Variants in ATG10 observed in about 807,000 individuals in gnomAD.
The protein encoded by ATG10 is autophagy related 10.
Under a neutral mutation model 32.1 loss-of-function variants are expected in ATG10, and 30 were observed. The observed-to-expected ratio is 0.94, with a 90% CI of 0.70 to 1.27. The LOEUF is 1.27. Ranked by LOEUF, ATG10 falls within the 50% of genes most tolerant of loss-of-function variation. The probability of loss-of-function intolerance (pLI) is 0.00; values close to 1 mark genes in which losing one functional copy is unlikely to be tolerated. For synonymous variants in ATG10, 87 were observed against 91.5 expected (o/e 0.95, Z 0.28); for missense variants, 233 against 262.3 (o/e 0.89, Z 0.77).
intron 3 of ATG10, among the ~76,000 whole-genome samples, chr5:82,099,516 A>G (rs1765186827): frequency 6.6e-6 from 1 of 152,122 alleles, no homozygotes; most frequent in Non-Finnish European, 1.5e-5. Flanking sequence ...CCTACAGGAA[A>G]TGAATAGTGA....
At chr5:82,146,913 T>C (rs565685945) in intron 3 of ATG10, among the ~76,000 whole-genome samples, 230 of 152,352 alleles carry the variant, frequency 1.5e-3, no homozygotes, top group African/African-American at 5.4e-3. Flanking sequence ...GTTGGAAATA[T>C]CAACATCTAC....
intron 3 of ATG10, among the ~76,000 whole-genome samples, chr5:82,155,262 C>T (rs1001535348): frequency 2.0e-5 from 3 of 152,056 alleles, no homozygotes; most frequent in African/African-American, 7.2e-5. Context: ...TTCTTAGACC[C>T]TTGGAAATGT....
intron 3 of ATG10, among the ~76,000 whole-genome samples, chr5:82,117,185 T>C (rs1412481192): frequency 6.6e-6 from 1 of 152,056 alleles, no homozygotes; most frequent in East Asian, 1.9e-4. Flanking sequence ...GACATGGAAG[T>C]AATTATGATT....
At chr5:82,049,070 A>G (rs1312626768) in intron 2 of ATG10, among the ~76,000 whole-genome samples, 9 of 151,374 alleles carry the variant, frequency 5.9e-5, no homozygotes, top group African/African-American at 1.5e-4. Context: ...AGGACTATAA[A>G]TCATGCTGCT....
At chr5:81,993,676 T>G (rs1437920909) in intron 2 of ATG10, among the ~76,000 whole-genome samples, 1 of 151,944 alleles carries the variant, frequency 6.6e-6, no homozygotes, top group Non-Finnish European at 1.5e-5. Context: ...TCCGCCTGCC[T>G]TGGCTTCCCA....
chr5:82,210,528 T>C (rs2149977872), intron 5 of ATG10, among the ~76,000 whole-genome samples: 1 of 152,298 alleles, frequency 6.6e-6, no homozygotes, highest in East Asian at 1.9e-4. Flanking sequence ...ATCTTCCAAA[T>C]ACCAGGCTCA....
chr5:82,004,390 C>T (rs1002584259), intron 2 of ATG10, among the ~76,000 whole-genome samples: 5 of 152,084 alleles, frequency 3.3e-5, no homozygotes, highest in East Asian at 3.9e-4. Context: ...GAAGTATTTG[C>T]GTCCCCGAAG....
intron 3 of ATG10, among the ~76,000 whole-genome samples, chr5:82,077,505 C>A (rs890859880): frequency 6.6e-6 from 1 of 151,916 alleles, no homozygotes; most frequent in Non-Finnish European, 1.5e-5. Context: ...GTATCCATTA[C>A]TTTATAAGTG....
At chr5:82,234,134 G>A (rs1444525212) in intron 5 of ATG10, among the ~76,000 whole-genome samples, 1 of 152,100 alleles carries the variant, frequency 6.6e-6, no homozygotes, top group African/African-American at 2.4e-5. Context: ...TTCTGTGTCC[G>A]GTGATACCTG....
chr5:82,099,996 C>CTG (rs1765205515), intron 3 of ATG10, among the ~76,000 whole-genome samples: 2 of 88,644 alleles, frequency 2.3e-5, no homozygotes, highest in African/African-American at 9.2e-5. Flanking sequence ...CTTTCTTTTT[C>CTG]TGTGTTTTTT....
At chr5:81,986,561 A>G (rs1352181655) in intron 1 of ATG10, among the ~76,000 whole-genome samples, 1 of 152,138 alleles carries the variant, frequency 6.6e-6, no homozygotes, top group Non-Finnish European at 1.5e-5. Context: ...ACTCTTACAT[A>G]GATTATACTG....
chr5:82,241,739 C>A (rs1056336539), intron 5 of ATG10, among the ~76,000 whole-genome samples: 1 of 152,004 alleles, frequency 6.6e-6, no homozygotes, highest in African/African-American at 2.4e-5. Flanking sequence ...TACCAATTTA[C>A]CTAAAATAGC....
At chr5:82,211,040 G>T (rs1290814717) in intron 5 of ATG10, among the ~76,000 whole-genome samples, 3 of 152,118 alleles carry the variant, frequency 2.0e-5, no homozygotes, top group Admixed American at 2.0e-4. Flanking sequence ...GGTTAATTTA[G>T]AAGTTTAATT....
intron 2 of ATG10, among the ~76,000 whole-genome samples, chr5:82,015,927 G>A (rs980470605): frequency 1.3e-5 from 2 of 152,114 alleles, no homozygotes; most frequent in Admixed American, 6.5e-5. Flanking sequence ...CAGTTTTTCT[G>A]TGCTGTTTTT....
intron 2 of ATG10, chr5:82,009,520 G>A: frequency 2.4e-6 from 3 of 1,232,898 alleles, no homozygotes; most frequent in Non-Finnish European, 2.3e-6. Context: ...GATACTGCGA[G>A]CAAATGGGAT....
chr5:82,105,990 A>G (rs977930930), intron 3 of ATG10, among the ~76,000 whole-genome samples: 3 of 152,156 alleles, frequency 2.0e-5, no homozygotes, highest in African/African-American at 7.2e-5. Context: ...TTTGTTATAC[A>G]TTGTTTGAAA....
chr5:82,021,723 A>C (rs1331114660), intron 2 of ATG10, among the ~76,000 whole-genome samples: 1 of 151,938 alleles, frequency 6.6e-6, no homozygotes, highest in Non-Finnish European at 1.5e-5. Flanking sequence ...TCTACTAAAA[A>C]TACAAAATTA....
At chr5:82,058,880 A>ATAT in intron 3 of ATG10, among the ~76,000 whole-genome samples, 1 of 152,266 alleles carries the variant, frequency 6.6e-6, no homozygotes, top group South Asian at 2.1e-4. Flanking sequence ...GAATTGTGGT[A>ATAT]AAGTTATATA....
intron 2 of ATG10, among the ~76,000 whole-genome samples, chr5:82,022,684 T>C (rs399691): frequency 6.6e-6 from 1 of 151,296 alleles, no homozygotes; most frequent in Non-Finnish European, 1.5e-5. Context: ...CCATTAACTG[T>C]GCTGTTATTT....
Sources: gnomAD v4.1 joint callset for allele counts (sites outside exome capture counted in the v4.1 genomes callset) on GRCh38, gnomAD v4.1.1 for gene constraint, MANE v1.5 for transcripts, NCBI Gene and HGNC (gene_info 2026-07-23, HGNC 2026-07-21) for gene names.